ST7L: variants seen among roughly 807,000 people sequenced by gnomAD.
ST7L encodes the protein suppressor of tumorigenicity 7 protein-like.
A neutral mutation model predicts 72.5 loss-of-function variants in ST7L; 57 were observed. That is an observed-to-expected ratio of 0.79 (90% CI 0.64 to 0.98). The LOEUF (loss-of-function observed/expected upper bound fraction) is 0.98. Ranked by LOEUF, ST7L falls within the 50% of genes least tolerant of loss-of-function variation. ST7L has a pLI of 0.00. For missense variants in ST7L, 576 were observed against 672.2 expected (o/e 0.86, Z 1.58); for synonymous variants, 221 against 240.9 (o/e 0.92, Z 0.77).
chr1:112,520,797 A>T (rs758262425), downstream of ST7L: 58 of 449,160 alleles, frequency 1.3e-4, no homozygotes, highest in East Asian at 1.5e-3. Context: ...GAGTTGCACT[A>T]AAGTACGTAG....
At chr1:112,603,708 A>T (rs1667779491) in intron 3 of ST7L, among the ~76,000 whole-genome samples, 1 of 152,238 alleles carries the variant, frequency 6.6e-6, no homozygotes, top group African/African-American at 2.4e-5. Flanking sequence ...TTATTTTCTC[A>T]CAATTCTAGA....
intron 11 of ST7L, among the ~76,000 whole-genome samples, chr1:112,573,526 T>G (rs1288864746): frequency 1.3e-5 from 2 of 151,898 alleles, no homozygotes; most frequent in African/African-American, 2.4e-5. Flanking sequence ...AACAAAAAAT[T>G]TCAATAGTTA....
intron 11 of ST7L, among the ~76,000 whole-genome samples, chr1:112,559,059 G>C (rs1440011816): frequency 6.6e-6 from 1 of 152,104 alleles, no homozygotes; most frequent in African/African-American, 2.4e-5. Context: ...TCATTTCACA[G>C]ACAAGAGACA....
intron 14 of ST7L, among the ~76,000 whole-genome samples, chr1:112,534,607 T>A (rs558349418): frequency 1.3e-5 from 2 of 152,244 alleles, no homozygotes; most frequent in African/African-American, 4.8e-5. Context: ...TCCACCAAGA[T>A]AAAAGCTAAA....
chr1:112,594,876 C>T (rs1666213592), intron 5 of ST7L, among the ~76,000 whole-genome samples: 2 of 152,094 alleles, frequency 1.3e-5, no homozygotes, highest in African/African-American at 2.4e-5. Context: ...ATAATTAAAG[C>T]ATGTCATAAC....
intron 6 of ST7L, among the ~76,000 whole-genome samples, chr1:112,586,849 C>T (rs1664941716): frequency 6.6e-6 from 1 of 152,140 alleles, no homozygotes; most frequent in African/African-American, 2.4e-5. Context: ...CAGAGTTGTG[C>T]AACCATCGCC....
At chr1:112,530,026 A>G (rs937867614) in intron 14 of ST7L, 19 of 152,234 alleles carry the variant, frequency 1.2e-4, no homozygotes, top group African/African-American at 4.6e-4. Context: ...CAACTAACTT[A>G]CTATCTGGAG....
chr1:112,568,378 C>T (rs899389182), intron 11 of ST7L, among the ~76,000 whole-genome samples: 2 of 147,046 alleles, frequency 1.4e-5, no homozygotes, highest in African/African-American at 5.1e-5. Flanking sequence ...GCTTTGTCGC[C>T]CAGGCTGGAG....
chr1:112,542,579 CTTAAAAATTT>C (rs1207445662), intron 13 of ST7L, among the ~76,000 whole-genome samples: 2 of 151,906 alleles, frequency 1.3e-5, no homozygotes. Context: ...CAAAATCGTG[CTTAAAAATTT>C]TTAAAAATTT....
Position 112,618,074 on chromosome 1 carries a change from A to C in ST7L, c.205+835T>G, listed in dbSNP as rs1402634902. Reference sequence around the variant, plus strand: ...GCCTTTTGCTTCAGAAAAATCAACCACCATACTGAATCATGTAATGGAAAT... The same window carrying C: ...GCCTTTTGCTTCAGAAAAATCAACCCCCATACTGAATCATGTAATGGAAAT... On this transcript the variant is annotated intron_variant, in intron 1 of 14. Coordinates refer to ENST00000358039, the MANE Select transcript of ST7L (RefSeq NM_017744.5). The C allele has an allele frequency of 4.6e-6, 6 of 1,303,870 alleles. No individual in the cohort carries two copies. The South Asian group carries it at 7.4e-5, about 16-fold the overall frequency. 80.8% of individuals were successfully genotyped at this position (1,303,870 alleles called of 1,614,324 possible).
At chr1:112,532,913 T>G (rs1274175999) in intron 14 of ST7L, among the ~76,000 whole-genome samples, 1 of 152,230 alleles carries the variant, frequency 6.6e-6, no homozygotes, top group African/African-American at 2.4e-5. Flanking sequence ...GAAGTACCTC[T>G]GCTACCTAAA....
chr1:112,581,961 C>A, intron 9 of ST7L, 31 bp downstream of exon 9: 7 of 1,317,168 alleles, frequency 5.3e-6, no homozygotes, highest in Non-Finnish European at 7.7e-6. Flanking sequence ...AAAAGAATAA[C>A]CATGCTATCA....
intron 5 of ST7L, among the ~76,000 whole-genome samples, 157 bp from the exon 6 acceptor site, chr1:112,591,760 G>C (rs1196961482): frequency 6.6e-6 from 1 of 152,024 alleles, no homozygotes; most frequent in African/African-American, 2.4e-5. Flanking sequence ...TCTATTATGA[G>C]AAATTTACAT....
chr1:112,614,573 T>C (rs116791556), intron 2 of ST7L, among the ~76,000 whole-genome samples: 3,050 of 152,296 alleles, frequency 0.02, 104 homozygotes, highest in African/African-American at 0.069. Flanking sequence ...CAAAATGGTC[T>C]GTATTTAGTC....
Position 112,597,957 on chromosome 1 carries a change from G to T in ST7L, c.622+14C>A. The T allele has an allele frequency of 2.5e-6, 4 of 1,588,628 alleles. No homozygotes were observed. Among genetic ancestry groups the T allele is most frequent in the Non-Finnish European group, 3.4e-6 (4 of 1,159,842 alleles). Reference sequence around the variant, plus strand: ...ATGATCACTGTTTATACTATGAACAGATATGATACATACCTGTGTCTGAAG... The same window carrying T: ...ATGATCACTGTTTATACTATGAACATATATGATACATACCTGTGTCTGAAG... On this transcript the variant is annotated intron_variant, in intron 5 of 14. Coordinates refer to ENST00000358039, the MANE Select transcript of ST7L (RefSeq NM_017744.5).
intron 11 of ST7L, among the ~76,000 whole-genome samples, chr1:112,559,891 C>T (rs1248912122): frequency 6.6e-6 from 1 of 150,756 alleles, no homozygotes; most frequent in Non-Finnish European, 1.5e-5. Context: ...AGGCAGATAA[C>T]TGCTTGAAGC....
At chr1:112,584,482 T>TG (rs752728937) in intron 6 of ST7L, among the ~76,000 whole-genome samples, 1 of 152,080 alleles carries the variant, frequency 6.6e-6, no homozygotes, top group Non-Finnish European at 1.5e-5. Context: ...TACCCTCTAC[T>TG]GGTCATACCT....
chr1:112,618,331 GCT>G (rs1670265800), intron 1 of ST7L: 5 of 947,162 alleles, frequency 5.3e-6, no homozygotes, highest in South Asian at 8.2e-5. Context: ...TGTTTGTGGC[GCT>G]CTCACTTCCT....
At position 112,598,028 on chromosome 1, in the gene ST7L, G is replaced by C. The variant is rs776381663; in HGVS notation, c.565C>G (p.Gln189Glu). ...CAGGTGAAAAAGGTCTGATGGTCCTGAGCTGACAGGTTCATGTCATAGTAT... is the reference window on the plus strand; with the variant it reads ...CAGGTGAAAAAGGTCTGATGGTCCTCAGCTGACAGGTTCATGTCATAGTAT... Reference protein sequence around the residue: ...LTYYDMNLSAQDHQTFFTCDT... With the variant: ...LTYYDMNLSAEDHQTFFTCDT... Residue 189 changes from glutamine to glutamate, a missense_variant, in exon 5 of 15, where the codon CAG becomes GAG. Gln to Glu is a conservative substitution (Grantham distance 29, BLOSUM62 2). This residue lies in a region of ST7L where 511 missense variants were observed against 600.7 expected (regional missense o/e 0.85). Transcript: ENST00000358039. 1.9e-6 allele frequency: 3 copies of C among 1,613,698 alleles called. No individual in the cohort carries two copies. Among genetic ancestry groups the C allele is most frequent in the East Asian group, 4.5e-5 (2 of 44,852 alleles).
Sources: allele counts gnomAD v4.1 joint callset (sites outside exome capture counted in the v4.1 genomes callset), GRCh38; gene constraint gnomAD v4.1.1; regional missense constraint gnomAD v4.1.1; transcripts MANE v1.5; gene names NCBI Gene and HGNC (gene_info 2026-07-23, HGNC 2026-07-21).